SPHKAP: variants seen among roughly 807,000 people sequenced by gnomAD.
The protein encoded by SPHKAP is SPHK1 interactor, AKAP domain containing, also known as A-kinase anchor protein SPHKAP.
Under a neutral mutation model 137.5 loss-of-function variants are expected in SPHKAP, and 67 were observed. The observed-to-expected ratio is 0.49, with a 90% CI of 0.40 to 0.60. The LOEUF (loss-of-function observed/expected upper bound fraction) is 0.60. SPHKAP is among the 20% of genes least tolerant of loss of function. The pLI, the probability that SPHKAP is intolerant of heterozygous loss-of-function variation, is 0.00. For synonymous variants in SPHKAP, 813 were observed against 785.3 expected, an observed-to-expected ratio of 1.04 and a Z score of -0.59; for missense variants, 2,097 against 2,069.3, an observed-to-expected ratio of 1.01 and a Z score of -0.26.
intron 4 of SPHKAP, 78 bp downstream of exon 4, chr2:228,027,406 T>G: frequency 2.1e-6 from 3 of 1,430,986 alleles, no homozygotes; most frequent in Non-Finnish European, 2.0e-6. Context: ...TCCTACAAAA[T>G]GAGCATTATT....
chr2:228,150,383 TCTC>T (rs1251690663), intron 1 of SPHKAP, among the ~76,000 whole-genome samples: 1 of 152,178 alleles, frequency 6.6e-6, no homozygotes, highest in Non-Finnish European at 1.5e-5. Flanking sequence ...TTGGCAGAAT[TCTC>T]CTGCAAAGCT....
chr2:228,018,745 G>A lies in SPHKAP; in HGVS notation c.2109C>T (p.Asp703=), dbSNP rs1188551578. 3 of 1,614,040 alleles carry A rather than the reference G, an allele frequency of 1.9e-6. No homozygotes were observed. Among genetic ancestry groups the A allele is most frequent in the African/African-American group, 2.7e-5 (2 of 74,902 alleles). The part of the protein sequence containing the change: ...NDNRHSSEIL[D]TLMESTNQLL... ...GTTGATTTGTACTTTCCATTAAGGT[G>A]TCCAGAATTTCAGATGAATGCCTGT... The change falls in exon 7 of 12, where the codon GAC becomes GAT. Residue 703 remains aspartate, a synonymous_variant. Transcript: ENST00000392056.
At chr2:228,015,258 T>G (rs1281654670) in intron 7 of SPHKAP, among the ~76,000 whole-genome samples, 1 of 150,856 alleles carries the variant, frequency 6.6e-6, no homozygotes, top group Non-Finnish European at 1.5e-5. Context: ...ACTCATCATT[T>G]TTTTATGGCT....
rs745400252 is a variant in SPHKAP, at chr2:228,016,411, G to T, written c.4443C>A (p.Ile1481=). 8.8e-6 allele frequency: 14 copies of T among 1,588,166 alleles called. No individual in the cohort carries two copies. The highest frequency in any genetic ancestry group is 1.2e-5 in the Non-Finnish European group (14 of 1,170,146). The change falls in exon 7 of 12, where the codon ATC becomes ATA. Residue 1481 remains isoleucine, a synonymous_variant. Transcript: ENST00000392056. The part of the protein sequence containing the change: ...GGDTAVSACQ[I]HSDSLDTRDV... ...GTCTGAGACGATTCACTCACCTATG[G>T]ATTTGACAAGCGCTCACGGCTGTGT...
In SPHKAP at chr2:227,981,576, G is replaced by C; in HGVS notation, c.*141C>G. 1 of 1,105,146 alleles carries C rather than the reference G, an allele frequency of 9.0e-7. No individual in the cohort carries two copies. The highest frequency in any genetic ancestry group is 3.1e-5 in the Admixed American group (1 of 31,770). 68.5% of individuals were successfully genotyped at this position (1,105,146 alleles called of 1,614,324 possible). A position where few individuals can be genotyped will look rare whatever the true frequency, so the allele number is the denominator to read the frequency against. Reference sequence around the variant, plus strand: ...TTTCCTCTGACTTATTCTGTATGCAGTGGATCTGAGTAGCAGATTTTTTTT... The same window carrying C: ...TTTCCTCTGACTTATTCTGTATGCACTGGATCTGAGTAGCAGATTTTTTTT... On this transcript the variant is annotated 3_prime_UTR_variant, in exon 12 of 12. Coordinates refer to ENST00000392056, the MANE Select transcript of SPHKAP (RefSeq NM_001142644.2).
At position 228,027,530 on chromosome 2, in the gene SPHKAP, T is replaced by G; in HGVS notation, c.260A>C (p.Asn87Thr). Residue 87 changes from asparagine to threonine, a missense_variant, in exon 4 of 12, where the codon AAT becomes ACT. Physicochemically the swap from Asn to Thr is moderately conservative, Grantham distance 65. Coordinates refer to ENST00000392056, the MANE Select transcript of SPHKAP (RefSeq NM_001142644.2). ...GCATTCATCCTTGTTCACATCAAGA[T>G]TCACAAAGCAGACCTGGGAAAAGAG... is the stretch of plus-strand genomic sequence containing the variant. ...SENCASVCFV[N>T]LDVNKDECST... The G allele has an allele frequency of 1.9e-6, 3 of 1,613,974 alleles. No individual in the cohort carries two copies. The highest frequency in any genetic ancestry group is 2.5e-6 in the Non-Finnish European group (3 of 1,179,916).
chr2:228,013,310 G>A (rs774488229), intron 7 of SPHKAP, among the ~76,000 whole-genome samples: 6 of 152,152 alleles, frequency 3.9e-5, no homozygotes, highest in Non-Finnish European at 8.8e-5. Context: ...GGAGTGCAGA[G>A]GCACGATCTC....
intron 1 of SPHKAP, among the ~76,000 whole-genome samples, chr2:228,165,652 C>T (rs990157256): frequency 2.0e-5 from 3 of 152,108 alleles, no homozygotes; most frequent in Non-Finnish European, 4.4e-5. Flanking sequence ...AATGTCATTC[C>T]CTGGAGAAAA....
At chr2:228,156,812 G>A (rs35419205) in intron 1 of SPHKAP, among the ~76,000 whole-genome samples, 13,100 of 152,130 alleles carry the variant, frequency 0.086, 728 homozygotes, top group Middle Eastern at 0.14. Context: ...CCTTGCACAT[G>A]CCCTCTTTGC....
In SPHKAP at chr2:228,169,338, T is replaced by C. The variant is rs568015978; in HGVS notation, c.32+12229A>G. 3.5e-4 allele frequency among the ~76,000 whole-genome samples: 53 copies of C among 152,248 alleles called. 1 individual carries two copies. Among genetic ancestry groups the C allele is most frequent in the African/African-American group, 1.3e-3 (53 of 41,554 alleles). On this transcript the variant is annotated intron_variant, in intron 1 of 11. Transcript: ENST00000392056. Reference sequence around the variant, plus strand: ...AGAAGTCAATGCCCGGCTTCAAAGCTTCAGAAGACAAGCTGACTCACTTTT... The same window carrying C: ...AGAAGTCAATGCCCGGCTTCAAAGCCTCAGAAGACAAGCTGACTCACTTTT...
At chr2:227,995,302 C>T (rs1314454879) in intron 8 of SPHKAP, among the ~76,000 whole-genome samples, 7 of 152,134 alleles carry the variant, frequency 4.6e-5, no homozygotes, top group Admixed American at 4.6e-4. Flanking sequence ...TTAATCACGG[C>T]CAAAGTAATT....
At chr2:228,033,612 T>A (rs1695447668) in intron 3 of SPHKAP, among the ~76,000 whole-genome samples, 1 of 152,122 alleles carries the variant, frequency 6.6e-6, no homozygotes, top group African/African-American at 2.4e-5. Flanking sequence ...ATTCCAAAAT[T>A]GACCATATAG....
intron 1 of SPHKAP, among the ~76,000 whole-genome samples, chr2:228,146,065 G>A (rs937204516): frequency 3.3e-5 from 5 of 151,968 alleles, no homozygotes; most frequent in South Asian, 2.1e-4. Flanking sequence ...TGCCTTTCAC[G>A]TTAGAGAAAT....
In SPHKAP at chr2:228,154,674, G is replaced by A. The variant is rs572578590; in HGVS notation, c.33-22589C>T. On this transcript the variant is annotated intron_variant, in intron 1 of 11. Transcript: ENST00000392056. ...CGCCATTCTCCTACCTCAGCCTCCC[G>A]AGTAGCTGGGAGTACAGGCGCCTGC... is the stretch of plus-strand genomic sequence containing the variant. Among the ~76,000 whole-genome samples the A allele has an allele frequency of 3.5e-5, 5 of 143,156 alleles. No homozygotes were observed. The South Asian group carries it at 6.8e-4, about 20-fold the overall frequency. The allele number at this position is 143,156 out of a possible 152,430, so 93.9% of individuals were successfully genotyped here. A position where few individuals can be genotyped will look rare whatever the true frequency, so the allele number is the denominator to read the frequency against.
chr2:228,079,862 A>C (rs1697304960), intron 3 of SPHKAP, among the ~76,000 whole-genome samples: 1 of 152,238 alleles, frequency 6.6e-6, no homozygotes, highest in Non-Finnish European at 1.5e-5. Flanking sequence ...TGATTCAGGC[A>C]CAGGCCAGCC....
In SPHKAP at chr2:228,018,474, T is replaced by G. The variant is rs761605833; in HGVS notation, c.2380A>C (p.Lys794Gln). 11 of 1,614,104 alleles carry G rather than the reference T, an allele frequency of 6.8e-6. No individual in the cohort carries two copies. Among genetic ancestry groups the G allele is most frequent in the Non-Finnish European group, 9.3e-6 (11 of 1,180,032 alleles). ...GGCCTCACTCCACCCTTGTCTTGTT[T>G]TGAATACATGCCATCCACAAGATTG... The part of the protein sequence containing the change: ...INNLVDGMYS[K>Q]QDKGGVRPGL... The change falls in exon 7 of 12, where the codon AAA becomes CAA. Residue 794 changes from lysine (K) to glutamine (Q), a missense_variant. Transcript: ENST00000392056.
In SPHKAP at chr2:228,018,772, G is replaced by T. The variant is rs780699264; in HGVS notation, c.2082C>A (p.Asp694Glu). 4 of 1,614,090 alleles carry T rather than the reference G, an allele frequency of 2.5e-6. No individual in the cohort carries two copies. Among genetic ancestry groups the T allele is most frequent in the South Asian group, 2.2e-5 (2 of 91,090 alleles). Residue 694 changes from aspartate to glutamate, a missense_variant, in exon 7 of 12, where the codon GAC becomes GAA. Asp to Glu is a conservative substitution (Grantham distance 45). Transcript: ENST00000392056. Reference sequence around the variant, plus strand: ...CCAGAATTTCAGATGAATGCCTGTTGTCATTGGGGTCGATTATCATATTTT... The same window carrying T: ...CCAGAATTTCAGATGAATGCCTGTTTTCATTGGGGTCGATTATCATATTTT... ...HHKNMIIDPN[D>E]NRHSSEILDT...
At chr2:228,004,621 C>T (rs562120488) in intron 7 of SPHKAP, among the ~76,000 whole-genome samples, 3 of 152,260 alleles carry the variant, frequency 2.0e-5, no homozygotes, top group East Asian at 3.9e-4. Flanking sequence ...TTTGCTCTTG[C>T]TTCTCTAGTT....
chr2:228,067,019 C>T (rs1696848447), intron 3 of SPHKAP, among the ~76,000 whole-genome samples: 2 of 152,078 alleles, frequency 1.3e-5, no homozygotes, highest in Admixed American at 1.3e-4. Flanking sequence ...CTTTCCTCAC[C>T]TAGTTTGAAA....
Sources: gnomAD v4.1 joint callset for allele counts (sites outside exome capture counted in the v4.1 genomes callset) on GRCh38, gnomAD v4.1.1 for gene constraint, MANE v1.5 for transcripts, NCBI Gene and HGNC (gene_info 2026-07-23, HGNC 2026-07-21) for gene names.